MYH14: variants seen among roughly 807,000 people sequenced by gnomAD.
The protein encoded by MYH14 is myosin heavy chain 14.
Under a neutral mutation model 255.5 loss-of-function variants are expected in MYH14, and 123 were observed. The observed-to-expected ratio is 0.48, with a 90% CI of 0.42 to 0.56. The LOEUF (loss-of-function observed/expected upper bound fraction) is 0.56. Ranked by LOEUF, MYH14 falls within the 20% of genes least tolerant of loss-of-function variation. The pLI is 0.00. For missense variants in MYH14, 2,423 were observed against 2,802.3 expected (o/e 0.86, Z 3.06); for synonymous variants, 1,095 against 1,161.2 (o/e 0.94, Z 1.16).
chr19:50,272,498 G>A, intron 26 of MYH14, 62 bp from the exon 27 acceptor site: 2 of 1,534,266 alleles, frequency 1.3e-6, no homozygotes, highest in Non-Finnish European at 1.8e-6. Context: ...TGTGGTCTCT[G>A]TGAGAGCGGC....
At chr19:50,279,381 C>T (rs2035628216) in intron 30 of MYH14, among the ~76,000 whole-genome samples, 1 of 152,110 alleles carries the variant, frequency 6.6e-6, no homozygotes, top group African/African-American at 2.4e-5. Flanking sequence ...CCTGTAATCC[C>T]AGCACTTTGG....
intron 39 of MYH14, among the ~76,000 whole-genome samples, chr19:50,300,963 AC>A (rs397859234): frequency 4.0e-5 from 6 of 151,354 alleles, no homozygotes; most frequent in African/African-American, 9.7e-5. Flanking sequence ...AAAAAAAAAA[AC>A]CCCACAAAGG....
chr19:50,231,560 A>G (rs1307366452), intron 9 of MYH14, among the ~76,000 whole-genome samples: 2 of 151,914 alleles, frequency 1.3e-5, no homozygotes, highest in Non-Finnish European at 2.9e-5. Context: ...AATAACAATA[A>G]TAATAAGCTG....
At position 50,276,336 on chromosome 19, in the gene MYH14, C is replaced by G. The variant is rs2035508266; in HGVS notation, c.3680+133C>G. 2.6e-6 allele frequency: 2 copies of G among 781,644 alleles called. No homozygotes were observed. Among genetic ancestry groups the G allele is most frequent in the Middle Eastern group, 3.8e-4 (1 of 2,640 alleles). 48.4% of individuals were successfully genotyped at this position (781,644 alleles called of 1,614,324 possible). A position where few individuals can be genotyped will look rare whatever the true frequency, so the allele number is the denominator to read the frequency against. ...TGTTCATGAACCACCGGCTCTAGGT[C>G]CGGCCTGGGTCAAGCTGGGGACAGA... is the stretch of plus-strand genomic sequence containing the variant. On this transcript the variant is annotated intron_variant, in intron 28 of 42. Transcript: ENST00000642316. This position sits in a 1 kb window ranked among gnomAD's most constrained non-coding sequence, Gnocchi z 4.3.
Position 50,259,159 on chromosome 19 carries a change from C to G in MYH14, c.2248C>G (p.Pro750Ala), listed in dbSNP as rs552485033. The stretch of plus-strand genomic sequence containing the variant: ...CTCTCCCCAGGCCGGGAAGCTGGAG[C>G]CACGGCTGGTGCTGGACCAGCTTCG... ...NHEKRAGKLE[P>A]RLVLDQLRCN... Residue 750 changes from proline to alanine, a missense_variant, in exon 19 of 43, where the codon CCA becomes GCA. This residue lies in a region of MYH14 where 672 missense variants were observed against 881.8 expected (regional missense o/e 0.76). Coordinates refer to ENST00000642316, the MANE Select transcript of MYH14 (RefSeq NM_001145809.2). The G allele has an allele frequency of 4.7e-5, 73 of 1,556,730 alleles. No homozygotes were observed. The highest frequency in any genetic ancestry group is 1.4e-4 in the East Asian group (6 of 41,464).
At chr19:50,232,096 G>T (rs748718257) in intron 10 of MYH14, 26 bp downstream of exon 10, 1 of 1,607,548 alleles carries the variant, frequency 6.2e-7, no homozygotes, top group Admixed American at 1.7e-5. Flanking sequence ...GGAGGCCAGG[G>T]GTAGGGGGGA....
At chr19:50,228,134 A>G (rs2123222215) in intron 8 of MYH14, among the ~76,000 whole-genome samples, 2 of 152,128 alleles carry the variant, frequency 1.3e-5, no homozygotes, top group East Asian at 3.9e-4. Context: ...AAATACAAAA[A>G]AATTAGCCGG....
chr19:50,276,921 C>T lies in MYH14; in HGVS notation c.3825+20C>T. Reference sequence around the variant, plus strand: ...CGGAGGGTGGGTTGGGGCAGGGGGACAGGGCAGGGGGGCCACGGGGAGGGC... The same window carrying T: ...CGGAGGGTGGGTTGGGGCAGGGGGATAGGGCAGGGGGGCCACGGGGAGGGC... On this transcript the variant is annotated intron_variant, in intron 29 of 42. Transcript: ENST00000642316. The surrounding 1 kb of genome is among the most constrained non-coding windows in gnomAD (Gnocchi z 4.3). 1 of 1,444,616 alleles carries T rather than the reference C, an allele frequency of 6.9e-7. No individual in the cohort carries two copies. The highest frequency in any genetic ancestry group is 9.3e-7 in the Non-Finnish European group (1 of 1,073,738). The allele number at this position is 1,444,616 out of a possible 1,614,324, so 89.5% of individuals were successfully genotyped here.
At chr19:50,282,474 G>A (rs539760492) in intron 33 of MYH14, among the ~76,000 whole-genome samples, 1 of 152,330 alleles carries the variant, frequency 6.6e-6, no homozygotes, top group African/African-American at 2.4e-5. Flanking sequence ...GGCCAAGGCG[G>A]GCGGATTGCC....
intron 2 of MYH14, among the ~76,000 whole-genome samples, chr19:50,213,092 A>T (rs750057468): frequency 6.6e-6 from 1 of 152,148 alleles, no homozygotes; most frequent in Non-Finnish European, 1.5e-5. Context: ...AGCTGGGACT[A>T]CAGGCGCCTG....
chr19:50,225,496 A>G (rs1045292798), intron 6 of MYH14, 89 bp from the exon 7 acceptor site: 12 of 946,754 alleles, frequency 1.3e-5, no homozygotes, highest in Non-Finnish European at 3.3e-6. Context: ...ACAGATACTC[A>G]GTCAGCTGGA....
intron 2 of MYH14, 86 bp from the exon 3 acceptor site, chr19:50,217,529 C>A: frequency 6.9e-7 from 1 of 1,451,880 alleles, no homozygotes; most frequent in Non-Finnish European, 9.7e-7. Context: ...TGCCCTTGTG[C>A]AGTGCACGGC....
intron 1 of MYH14, among the ~76,000 whole-genome samples, chr19:50,207,290 A>AGAGAGAGAGAGAGAGAGAGG: frequency 6.7e-6 from 1 of 148,918 alleles, no homozygotes; most frequent in East Asian, 2.0e-4. Flanking sequence ...AGAGAGAGAG[A>AGAGAGAGAGAGAGAGAGAGG]GAGAGAGAGA....
In MYH14 at chr19:50,289,518, A is replaced by C; in HGVS notation, c.4835A>C (p.Glu1612Ala). 6.2e-7 allele frequency: 1 copy of C among 1,613,220 alleles called. No individual in the cohort carries two copies. The highest frequency in any genetic ancestry group is 8.5e-7 in the Non-Finnish European group (1 of 1,179,688). ...GCACAGGTGACAGAACTGGAGGATG[A>C]GCTGACAGCGGCCGAGGATGCCAAG... Reference protein sequence around the residue: ...LRAQVTELEDELTAAEDAKLR... With the variant: ...LRAQVTELEDALTAAEDAKLR... Residue 1612 changes from glutamate (E) to alanine (A), a missense_variant, in exon 35 of 43, where the codon GAG (glutamate) becomes GCG (alanine). This residue lies in a region of MYH14 where 1,513 missense variants were observed against 1,674.8 expected (regional missense o/e 0.90). Transcript: ENST00000642316.
At chr19:50,215,854 C>G (rs1463976469) in intron 2 of MYH14, among the ~76,000 whole-genome samples, 1 of 152,120 alleles carries the variant, frequency 6.6e-6, no homozygotes, top group Non-Finnish European at 1.5e-5. Context: ...CTGCTGCTAA[C>G]CAGCTTAGAA....
chr19:50,255,387 C>T (rs925701717), intron 17 of MYH14, 69 bp downstream of exon 17: 2 of 1,240,086 alleles, frequency 1.6e-6, no homozygotes, highest in Non-Finnish European at 1.1e-6. Flanking sequence ...GGGCTGGGGA[C>T]CTGGTTTTGA....
Position 50,279,983 on chromosome 19 carries a change from G to A in MYH14, c.4033-54G>A, listed in dbSNP as rs190956487. 360 of 1,310,068 alleles carry A rather than the reference G, an allele frequency of 2.7e-4. 1 individual carries two copies. Among genetic ancestry groups the A allele is most frequent in the Non-Finnish European group, 3.6e-4 (331 of 923,220 alleles). 81.2% of individuals were successfully genotyped at this position (1,310,068 alleles called of 1,614,324 possible). ...GTGGTAGAGAGTTGAGGCAGATGGG[G>A]TCACTGGGTGGAAGCCACGATTGGA... On this transcript the variant is annotated intron_variant, in intron 30 of 42. Coordinates refer to ENST00000642316, the MANE Select transcript of MYH14 (RefSeq NM_001145809.2).
chr19:50,249,314 C>T, intron 13 of MYH14, 175 bp downstream of exon 13: 1 of 767,308 alleles, frequency 1.3e-6, no homozygotes, highest in Non-Finnish European at 2.0e-6. Flanking sequence ...TGTCCCCTGT[C>T]TCTGGGTCTC....
At chr19:50,260,822 A>AGTGT (rs140241247) in intron 20 of MYH14, 107 bp downstream of exon 20, 10 of 746,060 alleles carry the variant, frequency 1.3e-5, no homozygotes, top group African/African-American at 3.6e-5. Flanking sequence ...TGTGTGTGCA[A>AGTGT]GTGTGTGTGC....
Sources: allele counts gnomAD v4.1 joint callset (sites outside exome capture counted in the v4.1 genomes callset), GRCh38; gene constraint gnomAD v4.1.1; regional missense constraint gnomAD v4.1.1; non-coding constraint Gnocchi (gnomAD v3.1); transcripts MANE v1.5; gene names NCBI Gene and HGNC (gene_info 2026-07-23, HGNC 2026-07-21).